The following GFRA2 variants were observed in gnomAD, a reference collection of about 807,000 sequenced individuals.
The protein encoded by GFRA2 is GDNF family receptor alpha 2.
Under a neutral mutation model 48.3 loss-of-function variants are expected in GFRA2, and 17 were observed. The observed-to-expected ratio is 0.35, with a 90% confidence interval of 0.24 to 0.53. The LOEUF (loss-of-function observed/expected upper bound fraction) is 0.53, where lower values mean the gene tolerates loss of function less well. Ranked by LOEUF, GFRA2 falls within the 20% of genes least tolerant of loss-of-function variation. GFRA2 has a pLI of 0.93. For synonymous variants in GFRA2, 305 were observed against 257.2 expected (o/e 1.19, Z -1.78); for missense variants, 660 against 637.3 (o/e 1.04, Z -0.38).
intron 3 of GFRA2, among the ~76,000 whole-genome samples, chr8:21,765,536 C>T (rs1806111457): frequency 6.6e-6 from 1 of 152,002 alleles, no homozygotes. Context: ...CTTGGTGAGA[C>T]CCAGCCTCAC....
At chr8:21,697,400 GA>G (rs1415412124) in intron 7 of GFRA2, among the ~76,000 whole-genome samples, 1 of 152,024 alleles carries the variant, frequency 6.6e-6, no homozygotes, top group Non-Finnish European at 1.5e-5. Flanking sequence ...ATTATCAGGG[GA>G]CAGTGAAACA....
At chr8:21,766,470 T>C (rs1197901892) in intron 3 of GFRA2, among the ~76,000 whole-genome samples, 2 of 151,888 alleles carry the variant, frequency 1.3e-5, no homozygotes, top group Non-Finnish European at 2.9e-5. Context: ...GTGAGTTATC[T>C]GGGGATAAAT....
rs200887037 is a variant in GFRA2 at position 21,768,504 on chromosome 8, C to T, written c.439+6468G>A. Among the ~76,000 whole-genome samples the T allele has an allele frequency of 2.6e-3, 402 of 152,278 alleles. 16 individuals carry two copies. In the South Asian group the frequency reaches 0.062, roughly 23 times the overall value. On this transcript the variant is annotated intron_variant, in intron 3 of 8. Transcript: ENST00000524240. Reference sequence around the variant, plus strand: ...ACCTGCTGAAACATTAAAGCCTCACCGTCTATTCTTTTGCTCAGCAGCCCA... The same window carrying T: ...ACCTGCTGAAACATTAAAGCCTCACTGTCTATTCTTTTGCTCAGCAGCCCA...
chr8:21,795,789 T>C (rs1807663515), intron 2 of GFRA2, among the ~76,000 whole-genome samples: 2 of 152,288 alleles, frequency 1.3e-5, no homozygotes, highest in South Asian at 4.2e-4. Flanking sequence ...CCAGTGGGCT[T>C]TCCAATTCCA....
At chr8:21,780,579 C>G (rs1460552579) in intron 2 of GFRA2, among the ~76,000 whole-genome samples, 1 of 152,130 alleles carries the variant, frequency 6.6e-6, no homozygotes, top group Non-Finnish European at 1.5e-5. Context: ...TCGCTCAGAC[C>G]CACTTCCTCC....
upstream of GFRA2, among the ~76,000 whole-genome samples, chr8:21,792,401 G>A (rs968355877): frequency 1.3e-5 from 2 of 152,188 alleles, no homozygotes; most frequent in African/African-American, 2.4e-5. Context: ...AACTGGCAAG[G>A]TGGAAGTGTC....
intron 4 of GFRA2, among the ~76,000 whole-genome samples, chr8:21,726,555 G>A (rs1803879193): frequency 6.6e-6 from 1 of 152,110 alleles, no homozygotes; most frequent in African/African-American, 2.4e-5. Context: ...GCCCTTCCTT[G>A]CCTCTTCCGG....
intron 4 of GFRA2, among the ~76,000 whole-genome samples, chr8:21,748,273 C>T (rs1805109447): frequency 6.6e-6 from 1 of 152,088 alleles, no homozygotes; most frequent in Non-Finnish European, 1.5e-5. Context: ...TGCTGCATGT[C>T]CAATACCACC....
chr8:21,773,560 G>A (rs1806541807), intron 3 of GFRA2, among the ~76,000 whole-genome samples: 2 of 152,276 alleles, frequency 1.3e-5, no homozygotes, highest in Non-Finnish European at 2.9e-5. Context: ...TGGACAAAAA[G>A]AGAAAGAAAA....
intron 1 of GFRA2, among the ~76,000 whole-genome samples, chr8:21,806,983 A>C (rs1393390427): frequency 1.3e-5 from 2 of 152,130 alleles, no homozygotes; most frequent in Non-Finnish European, 2.9e-5. Context: ...TAAAAACAGA[A>C]ACCATATCTT....
intron 4 of GFRA2, among the ~76,000 whole-genome samples, chr8:21,711,313 G>A (rs1026188351): frequency 2.6e-5 from 4 of 152,164 alleles, no homozygotes; most frequent in African/African-American, 9.7e-5. Context: ...GAGAGACAGA[G>A]AGAAAGAGAG....
chr8:21,809,356 G>A (rs541075415), intron 1 of GFRA2, among the ~76,000 whole-genome samples: 6 of 152,282 alleles, frequency 3.9e-5, no homozygotes, highest in South Asian at 2.1e-4. Context: ...ACGGAGTCTC[G>A]CTCAGTCGCC....
rs559718817 is a variant in GFRA2, at chr8:21,701,135, C to A, written c.1218+1670G>T. ...TTGTGCCGGGCGCGGGGGCTCACGCCTGTAATCCCAGTACTTTGGGAGGCC... is the reference window on the plus strand; with the variant it reads ...TTGTGCCGGGCGCGGGGGCTCACGCATGTAATCCCAGTACTTTGGGAGGCC... On this transcript the variant is annotated intron_variant, in intron 7 of 8. Transcript: ENST00000524240. Among the ~76,000 whole-genome samples, 3 of 152,374 alleles carry A rather than the reference C, an allele frequency of 2.0e-5. No homozygotes were observed. In the East Asian group the frequency reaches 5.8e-4, roughly 29 times the overall value.
chr8:21,727,464 G>A (rs1803927587), intron 4 of GFRA2, among the ~76,000 whole-genome samples: 2 of 152,184 alleles, frequency 1.3e-5, no homozygotes, highest in South Asian at 4.1e-4. Context: ...TCTCCTCCAA[G>A]CGCTCTGCCA....
At chr8:21,714,246 CTTT>C (rs10674628) in intron 4 of GFRA2, among the ~76,000 whole-genome samples, 3 of 78,400 alleles carry the variant, frequency 3.8e-5, no homozygotes, top group African/African-American at 5.2e-5. Flanking sequence ...GTCTGAAGTT[CTTT>C]TTTTTTTTTT....
chr8:21,729,373 C>T (rs1040827051), intron 4 of GFRA2, among the ~76,000 whole-genome samples: 1 of 152,058 alleles, frequency 6.6e-6, no homozygotes, highest in African/African-American at 2.4e-5. Flanking sequence ...CCCACTGGGA[C>T]CTGAGTATTA....
chr8:21,704,324 C>A (rs1235345430), intron 6 of GFRA2, among the ~76,000 whole-genome samples: 2 of 152,212 alleles, frequency 1.3e-5, no homozygotes, highest in Non-Finnish European at 2.9e-5. Flanking sequence ...CCTGTGCAGA[C>A]CCCCCGCCCA....
chr8:21,714,991 C>A (rs1803262412), intron 4 of GFRA2, among the ~76,000 whole-genome samples: 1 of 152,230 alleles, frequency 6.6e-6, no homozygotes, highest in African/African-American at 2.4e-5. Flanking sequence ...TTTCTAACGT[C>A]CCCTCTGGCA....
At chr8:21,731,508 CA>C (rs1401216722) in intron 4 of GFRA2, among the ~76,000 whole-genome samples, 1 of 151,952 alleles carries the variant, frequency 6.6e-6, no homozygotes, top group Non-Finnish European at 1.5e-5. Flanking sequence ...AGGGCTCCGG[CA>C]AAACAGCACA....
Sources: gnomAD v4.1 joint callset for allele counts (sites outside exome capture counted in the v4.1 genomes callset) on GRCh38, gnomAD v4.1.1 for gene constraint, MANE v1.5 for transcripts, NCBI Gene and HGNC (gene_info 2026-07-23, HGNC 2026-07-21) for gene names.